The following MAGI1 variants were observed in gnomAD, a reference collection of about 807,000 sequenced individuals.
MAGI1 encodes membrane associated guanylate kinase, WW and PDZ domain containing 1.
A neutral mutation model predicts 139.9 loss-of-function variants in MAGI1; 58 were observed. The ratio of observed to expected loss-of-function variants is 0.41; its 90% confidence interval spans 0.34 to 0.52. The LOEUF is 0.52. Ranked by LOEUF, MAGI1 falls within the 20% of genes least tolerant of loss-of-function variation. The pLI is 0.12. For synonymous variants in MAGI1, 812 were observed against 737.9 expected (o/e 1.10, Z -1.63); for missense variants, 1,874 against 1,901.6 (o/e 0.99, Z 0.27).
chr3:65,377,145 G>A (rs1042386652), intron 17 of MAGI1, among the ~76,000 whole-genome samples: 1 of 152,198 alleles, frequency 6.6e-6, no homozygotes, highest in African/African-American at 2.4e-5. Flanking sequence ...AGGGTAAAGT[G>A]TGTGGGAAAA....
intron 1 of MAGI1, among the ~76,000 whole-genome samples, chr3:65,944,222 T>C (rs1035758776): frequency 4.6e-5 from 7 of 152,092 alleles, no homozygotes; most frequent in Non-Finnish European, 8.8e-5. Flanking sequence ...ATAGCAGAAA[T>C]TGAAAGTGCT....
rs531050784 is a variant in MAGI1 at position 65,579,275 on chromosome 3, C to T, written c.430+42697G>A. ...CAGGTCATGATGGCAGCAGGTGCAA[C>T]CATCTACCCAAGCTTCTGCCAAAAA... is the stretch of plus-strand genomic sequence containing the variant. On this transcript the variant is annotated intron_variant, in intron 2 of 22. Transcript: ENST00000402939. Among the ~76,000 whole-genome samples, 181 of 152,212 alleles carry T rather than the reference C, an allele frequency of 1.2e-3. No homozygotes were observed. The South Asian group carries it at 0.014, about 12-fold the overall frequency.
At chr3:65,548,236 G>C (rs2079595113) in intron 2 of MAGI1, among the ~76,000 whole-genome samples, 1 of 152,172 alleles carries the variant, frequency 6.6e-6, no homozygotes. Flanking sequence ...ATGGGGTATT[G>C]GGGGCATCCC....
chr3:65,415,336 G>C (rs1036890156), intron 12 of MAGI1, among the ~76,000 whole-genome samples: 1 of 152,190 alleles, frequency 6.6e-6, no homozygotes, highest in Non-Finnish European at 1.5e-5. Context: ...GACAGAGCAA[G>C]GGGCCAGAAA....
At chr3:65,377,912 G>A (rs1442900376) in intron 17 of MAGI1, among the ~76,000 whole-genome samples, 1 of 152,144 alleles carries the variant, frequency 6.6e-6, no homozygotes, top group Non-Finnish European at 1.5e-5. Context: ...ATTAAATGGA[G>A]GCCAAGTGAG....
Position 66,004,248 on chromosome 3 carries a change from C to G in MAGI1, c.313+33748G>C, listed in dbSNP as rs540419436. Among the ~76,000 whole-genome samples, 61 of 152,278 alleles carry G rather than the reference C, an allele frequency of 4.0e-4. 1 individual carries two copies. Among genetic ancestry groups the G allele is most frequent in the African/African-American group, 1.4e-3 (57 of 41,542 alleles). On this transcript the variant is annotated intron_variant, in intron 1 of 22. Coordinates refer to ENST00000402939, the MANE Select transcript of MAGI1 (RefSeq NM_001033057.2). ...CTCACGGTTCTGTGGTTCAGGAAGTCAGACAGAAATGGGGACAGTTTGACT... is the reference window on the plus strand; with the variant it reads ...CTCACGGTTCTGTGGTTCAGGAAGTGAGACAGAAATGGGGACAGTTTGACT...
rs1372196538 is a variant in MAGI1, at chr3:65,398,727, C to G, written c.2199+2712G>C. Among the ~76,000 whole-genome samples, 3 of 152,178 alleles carry G rather than the reference C, an allele frequency of 2.0e-5. No homozygotes were observed. The South Asian group carries it at 6.2e-4, about 32-fold the overall frequency. Reference sequence around the variant, plus strand: ...TTTCCCAGAGAGGTCTAAAACCTGACAGAAAATATGTCTTGTTTTTGTCTC... The same window carrying G: ...TTTCCCAGAGAGGTCTAAAACCTGAGAGAAAATATGTCTTGTTTTTGTCTC... On this transcript the variant is annotated intron_variant, in intron 13 of 22. Transcript: ENST00000402939.
At chr3:65,787,965 T>C (rs577377965) in intron 1 of MAGI1, among the ~76,000 whole-genome samples, 1 of 152,300 alleles carries the variant, frequency 6.6e-6, no homozygotes, top group African/African-American at 2.4e-5. Context: ...GAAAAAAGTT[T>C]ATTTAGTCTT....
At chr3:65,978,882 C>T (rs2065403630) in intron 1 of MAGI1, among the ~76,000 whole-genome samples, 2 of 152,016 alleles carry the variant, frequency 1.3e-5, no homozygotes, top group South Asian at 4.1e-4. Flanking sequence ...CCTCCTCAGC[C>T]TACCAAAGTG....
chr3:65,610,751 C>CTATATATATATATATATATGCT (rs59887286), intron 2 of MAGI1, among the ~76,000 whole-genome samples: 2 of 21,180 alleles, frequency 9.4e-5, no homozygotes, highest in Admixed American at 3.3e-4. Flanking sequence ...AGTATATATA[C>CTATATATATATATATATATGCT]AGTATATATA....
At chr3:65,889,470 C>A (rs1475574905) in intron 1 of MAGI1, among the ~76,000 whole-genome samples, 2 of 152,188 alleles carry the variant, frequency 1.3e-5, no homozygotes, top group Non-Finnish European at 2.9e-5. Context: ...TCAGCTACAT[C>A]ATGAGTCATA....
In MAGI1 at chr3:65,963,217, CAGA is replaced by C. The variant is rs1196747760; in HGVS notation, c.313+74776_313+74778del. Among the ~76,000 whole-genome samples, 4 of 148,670 alleles carry C rather than the reference CAGA, an allele frequency of 2.7e-5. No homozygotes were observed. In the Admixed American group the frequency reaches 2.7e-4, roughly 10 times the overall value. ...GTCCCAGCTACTGGGAAGGCTGAAG[CAGA>C]AGAATTGCTTGAACCCGGGAGGTGG... On this transcript the variant is annotated intron_variant, in intron 1 of 22. Transcript: ENST00000402939.
chr3:65,505,190 T>A (rs1356455346), intron 2 of MAGI1, among the ~76,000 whole-genome samples: 1 of 152,160 alleles, frequency 6.6e-6, no homozygotes, highest in Non-Finnish European at 1.5e-5. Flanking sequence ...TGATTAATTA[T>A]AGCAATTGTT....
chr3:66,013,526 C>T (rs1409839169), intron 1 of MAGI1, among the ~76,000 whole-genome samples: 1 of 151,474 alleles, frequency 6.6e-6, no homozygotes, highest in Non-Finnish European at 1.5e-5. Context: ...CTTTGGGAGG[C>T]CAAGGTGGGC....
At chr3:65,714,048 G>C (rs2031874559) in intron 1 of MAGI1, among the ~76,000 whole-genome samples, 1 of 152,208 alleles carries the variant, frequency 6.6e-6, no homozygotes, top group Non-Finnish European at 1.5e-5. Flanking sequence ...AATGTTGCTT[G>C]AACTCTTTAA....
chr3:65,687,841 T>C, intron 1 of MAGI1: 2 of 610,876 alleles, frequency 3.3e-6, no homozygotes, highest in Non-Finnish European at 6.5e-6. Context: ...ATTACAACAG[T>C]GCCACCCAGT....
At chr3:66,013,822 T>A (rs1300387677) in intron 1 of MAGI1, among the ~76,000 whole-genome samples, 2 of 151,164 alleles carry the variant, frequency 1.3e-5, no homozygotes, top group Admixed American at 6.6e-5. Context: ...TGAAAAAGCA[T>A]GTTAGGGCCA....
intron 7 of MAGI1, among the ~76,000 whole-genome samples, chr3:65,446,796 C>T (rs114861820): frequency 6.6e-6 from 1 of 152,094 alleles, no homozygotes; most frequent in Non-Finnish European, 1.5e-5. Context: ...TAAGTCATCC[C>T]TCTCACAATG....
chr3:66,004,727 C>A (rs2066924274), intron 1 of MAGI1, among the ~76,000 whole-genome samples: 1 of 152,184 alleles, frequency 6.6e-6, no homozygotes, highest in Non-Finnish European at 1.5e-5. Context: ...AGACAAACCA[C>A]TGATAGATGA....
Sources: allele counts gnomAD v4.1 joint callset (sites outside exome capture counted in the v4.1 genomes callset), GRCh38; gene constraint gnomAD v4.1.1; transcripts MANE v1.5; gene names NCBI Gene and HGNC (gene_info 2026-07-23, HGNC 2026-07-21).